Variants in RERE observed in about 807,000 individuals in gnomAD.
The protein encoded by RERE is arginine-glutamic acid dipeptide repeats, also known as arginine-glutamic acid dipeptide repeats protein.
RERE carries 40 observed loss-of-function variants against 146.1 expected under a neutral mutation model. That is an observed-to-expected ratio of 0.27 (90% CI 0.21 to 0.36). The LOEUF (loss-of-function observed/expected upper bound fraction) is 0.36, where lower values mean the gene tolerates loss of function less well. Ranked by LOEUF, RERE falls within the 10% of genes least tolerant of loss-of-function variation. The probability of loss-of-function intolerance (pLI) is 1.00; values close to 1 mark genes in which losing one functional copy is unlikely to be tolerated. For missense variants in RERE, 1,933 were observed against 2,138.7 expected (o/e 0.90, Z 1.90); for synonymous variants, 1,003 against 866.0 (o/e 1.16, Z -2.78).
chr1:8,787,718 C>T (rs886858471), intron 1 of RERE, among the ~76,000 whole-genome samples: 1 of 151,006 alleles, frequency 6.6e-6, no homozygotes, highest in African/African-American at 2.4e-5. Flanking sequence ...GTAATCCCAG[C>T]TACTTGGGAG....
At chr1:8,808,003 G>A (rs986379582) in intron 1 of RERE, among the ~76,000 whole-genome samples, 9 of 152,056 alleles carry the variant, frequency 5.9e-5, no homozygotes, top group South Asian at 2.1e-4. Flanking sequence ...CAGAGGCCAG[G>A]CGTGGTGGGT....
chr1:8,507,884 C>T (rs1490731888), intron 8 of RERE, among the ~76,000 whole-genome samples: 4 of 151,276 alleles, frequency 2.6e-5, no homozygotes, highest in African/African-American at 7.3e-5. Flanking sequence ...GGATTATAGG[C>T]GCCTGCCACC....
At chr1:8,535,990 C>T (rs1461501614) in intron 7 of RERE, among the ~76,000 whole-genome samples, 1 of 151,432 alleles carries the variant, frequency 6.6e-6, no homozygotes, top group Non-Finnish European at 1.5e-5. Context: ...CCTGTAGTCC[C>T]AGCTACTTGG....
chr1:8,613,182 GC>G (rs1646812532), intron 4 of RERE, among the ~76,000 whole-genome samples: 1 of 152,124 alleles, frequency 6.6e-6, no homozygotes, highest in East Asian at 1.9e-4. Flanking sequence ...ATCTTCTTAA[GC>G]AGTGGCCTGC....
At chr1:8,698,679 A>AT (rs199529451) in intron 1 of RERE, among the ~76,000 whole-genome samples, 122 of 151,966 alleles carry the variant, frequency 8.0e-4, no homozygotes, top group African/African-American at 2.8e-3. Context: ...TTCTATTTTT[A>AT]TTTTTTTTAA....
chr1:8,699,289 CAGTG>C (rs1170269087), intron 1 of RERE, among the ~76,000 whole-genome samples: 2 of 152,130 alleles, frequency 1.3e-5, no homozygotes, highest in African/African-American at 2.4e-5. Flanking sequence ...CCAGGTATCA[CAGTG>C]AGTAAGTGGT....
chr1:8,740,907 A>C (rs1193137160), intron 1 of RERE, among the ~76,000 whole-genome samples: 2 of 152,236 alleles, frequency 1.3e-5, no homozygotes, highest in Non-Finnish European at 2.9e-5. Context: ...TAAGTAGAGG[A>C]CGTACACTCT....
chr1:8,485,328 T>A (rs1202948173), intron 10 of RERE, among the ~76,000 whole-genome samples: 2 of 152,098 alleles, frequency 1.3e-5, no homozygotes, highest in African/African-American at 4.8e-5. Context: ...GCCATCGCAC[T>A]CCAGCCTGGG....
At chr1:8,776,983 C>T (rs534210261) in intron 1 of RERE, among the ~76,000 whole-genome samples, 8 of 152,198 alleles carry the variant, frequency 5.3e-5, no homozygotes, top group African/African-American at 1.7e-4. Context: ...CCTGTCTCCA[C>T]CTCCCAAAGT....
At chr1:8,736,970 C>T (rs1185540843) in intron 1 of RERE, among the ~76,000 whole-genome samples, 1 of 150,940 alleles carries the variant, frequency 6.6e-6, no homozygotes, top group East Asian at 2.0e-4. Flanking sequence ...AATGGTTTAA[C>T]TCTTCTTTCT....
intron 6 of RERE, among the ~76,000 whole-genome samples, chr1:8,544,175 T>A (rs1341482472): frequency 6.6e-6 from 1 of 152,202 alleles, no homozygotes; most frequent in Admixed American, 6.5e-5. Context: ...AGTGAAAACC[T>A]GAACCAACCT....
Position 8,571,806 on chromosome 1 carries a change from G to A in RERE, c.523-14283C>T, listed in dbSNP as rs115827066. On this transcript the variant is annotated intron_variant, in intron 4 of 22. Coordinates refer to ENST00000400908, the MANE Select transcript of RERE (RefSeq NM_001042681.2). Reference sequence around the variant, plus strand: ...GCCTGCTGGAGAGGAGAAATGGAAAGCAGGAAATGAGAAGCCTTAGTTAAT... The same window carrying A: ...GCCTGCTGGAGAGGAGAAATGGAAAACAGGAAATGAGAAGCCTTAGTTAAT... Among the ~76,000 whole-genome samples the A allele has an allele frequency of 3.2e-3, 480 of 152,298 alleles. 2 individuals are homozygous for A. Among genetic ancestry groups the A allele is most frequent in the African/African-American group, 0.011 (458 of 41,552 alleles).
At chr1:8,426,270 C>G (rs900259725) in intron 11 of RERE, among the ~76,000 whole-genome samples, 7 of 151,890 alleles carry the variant, frequency 4.6e-5, no homozygotes, top group African/African-American at 2.4e-5. Flanking sequence ...CTGGCTAACA[C>G]AGTGAAACCC....
intron 1 of RERE, among the ~76,000 whole-genome samples, chr1:8,765,447 C>CA (rs1393119225): frequency 6.6e-6 from 1 of 152,170 alleles, no homozygotes; most frequent in African/African-American, 2.4e-5. Flanking sequence ...TCTGTGAACA[C>CA]AAAAAACAAT....
intron 1 of RERE, among the ~76,000 whole-genome samples, chr1:8,790,664 A>C (rs1641347788): frequency 6.6e-6 from 1 of 152,218 alleles, no homozygotes; most frequent in Non-Finnish European, 1.5e-5. Flanking sequence ...GATCACTGCA[A>C]TCTCCACCTC....
At chr1:8,401,418 C>T (rs986208284) in intron 12 of RERE, among the ~76,000 whole-genome samples, 3 of 150,908 alleles carry the variant, frequency 2.0e-5, no homozygotes, top group East Asian at 3.9e-4. Flanking sequence ...CGCCAGCCTG[C>T]GCAACAGAGT....
At chr1:8,497,934 T>C (rs1645067283) in intron 8 of RERE, among the ~76,000 whole-genome samples, 1 of 152,264 alleles carries the variant, frequency 6.6e-6, no homozygotes, top group Non-Finnish European at 1.5e-5. Context: ...ATGCAAATGA[T>C]ACCTCACCTA....
chr1:8,361,822 T>A lies in RERE; in HGVS notation c.1957A>T (p.Lys653Ter). The change falls in exon 17 of 23, where the codon AAG becomes TAG. Residue 653 changes from lysine to a stop codon, truncating the protein, a stop_gained. Transcript: ENST00000400908. LOFTEE classifies it high-confidence loss of function. Reference sequence around the variant, plus strand: ...GCCTCCTCCGTATCAGAGGCCACCTTCTCCCGCTGGCGTTTGTTACTCTTA... The same window carrying A: ...GCCTCCTCCGTATCAGAGGCCACCTACTCCCGCTGGCGTTTGTTACTCTTA... ...PLKSNKRQRE[K>*]VASDTEEADR... 1 of 1,614,080 alleles carries A rather than the reference T, an allele frequency of 6.2e-7. No individual in the cohort carries two copies. The highest frequency in any genetic ancestry group is 8.5e-7 in the Non-Finnish European group (1 of 1,179,948).
chr1:8,657,019 T>C (rs917702657), intron 1 of RERE, among the ~76,000 whole-genome samples: 7 of 152,136 alleles, frequency 4.6e-5, no homozygotes, highest in African/African-American at 9.7e-5. Context: ...TGTCTCAGGA[T>C]AGGCCGGGCG....
Sources: allele counts gnomAD v4.1 joint callset (sites outside exome capture counted in the v4.1 genomes callset), GRCh38; gene constraint gnomAD v4.1.1; transcripts MANE v1.5; gene names NCBI Gene and HGNC (gene_info 2026-07-23, HGNC 2026-07-21).